RBM33: variants seen among roughly 807,000 people sequenced by gnomAD.
RBM33 encodes the protein RNA binding motif protein 33, also known as RNA-binding protein 33.
RBM33 carries 28 observed loss-of-function variants against 132.6 expected under a neutral mutation model. The ratio of observed to expected loss-of-function variants is 0.21; its 90% CI spans 0.16 to 0.29. RBM33 has a LOEUF of 0.29. RBM33 is among the 10% of genes least tolerant of loss of function. The pLI, the probability that RBM33 is intolerant of heterozygous loss-of-function variation, is 1.00. For synonymous variants in RBM33, 634 were observed against 593.0 expected (o/e 1.07, Z -1.01); for missense variants, 1,291 against 1,518.5 (o/e 0.85, Z 2.49).
chr7:155,688,159 T>G (rs1270115879), intron 5 of RBM33, among the ~76,000 whole-genome samples: 2 of 152,166 alleles, frequency 1.3e-5, no homozygotes, highest in African/African-American at 4.8e-5. Context: ...CATTGAGCAG[T>G]GGTTTGTAGT....
At chr7:155,710,232 G>A (rs921881230) in intron 7 of RBM33, among the ~76,000 whole-genome samples, 3 of 152,202 alleles carry the variant, frequency 2.0e-5, no homozygotes, top group Non-Finnish European at 4.4e-5. Context: ...TAGCTGTGTC[G>A]TCAGTTTGGT....
rs1802601576 is a variant in RBM33 at position 155,776,147 on chromosome 7, T to C, written c.*1106T>C. On this transcript the variant is annotated 3_prime_UTR_variant, in exon 18 of 18. Transcript: ENST00000401878. This position sits in a 1 kb window ranked among gnomAD's most constrained non-coding sequence, Gnocchi z 4.0. ...AGGTTCCTGTAGGTGAGACATATTC[T>C]CCATAAAGCTACTGTAGTAGAATTC... 1 of 152,616 alleles carries C rather than the reference T, an allele frequency of 6.6e-6. No individual in the cohort carries two copies. The highest frequency in any genetic ancestry group is 1.5e-5 in the Non-Finnish European group (1 of 68,042). 9.5% of individuals were successfully genotyped at this position (152,616 alleles called of 1,614,324 possible).
intron 1 of RBM33, among the ~76,000 whole-genome samples, chr7:155,662,543 A>C (rs1403580957): frequency 1.3e-5 from 2 of 151,000 alleles, no homozygotes; most frequent in African/African-American, 4.9e-5. Flanking sequence ...GAGCCACAGC[A>C]TTTGTGCTGT....
intron 14 of RBM33, among the ~76,000 whole-genome samples, chr7:155,758,534 G>T (rs1286297769): frequency 6.6e-6 from 1 of 152,236 alleles, no homozygotes; most frequent in Non-Finnish European, 1.5e-5. Context: ...AGCTTAGGCA[G>T]TAATGCTTGC....
rs1258658714 is a variant in RBM33, at chr7:155,673,953, T to TG, written c.171+1038_171+1039insG. Among the ~76,000 whole-genome samples the TG allele has an allele frequency of 6.9e-4, 76 of 110,156 alleles. 2 individuals are homozygous for TG. Among genetic ancestry groups the TG allele is most frequent in the South Asian group, 6.6e-4 (2 of 3,034 alleles). 72.3% of individuals were successfully genotyped at this position (110,156 alleles called of 152,430 possible). A position where few individuals can be genotyped will look rare whatever the true frequency, so the allele number is the denominator to read the frequency against. ...AGTTTAGGCTTAGTTTTTTTTTTTT[T>TG]TTTTTTTTTTTTTTTTTTTGAGACA... On this transcript the variant is annotated intron_variant, in intron 3 of 17. Coordinates refer to ENST00000401878, the MANE Select transcript of RBM33 (RefSeq NM_053043.3).
chr7:155,709,111 A>G (rs987247763), intron 7 of RBM33, among the ~76,000 whole-genome samples: 3 of 151,840 alleles, frequency 2.0e-5, no homozygotes, highest in African/African-American at 7.3e-5. Flanking sequence ...CTTATCTTCT[A>G]GAATGATTTC....
rs780813692 is a variant in RBM33, at chr7:155,665,214, G to A, written c.83G>A (p.Arg28Gln). ...CAGTTTGATAAGCCTGGCGCGGAAC[G>A]GTCGTGGAGAAGAAGAGCTGCTGAT... ...FDQFDKPGAE[R>Q]SWRRRAADED... The change falls in exon 2 of 18, where the codon CGG (arginine) becomes CAG (glutamine). Residue 28 changes from arginine to glutamine, a missense_variant. Arg to Gln is a conservative substitution (Grantham distance 43, BLOSUM62 1). Transcript: ENST00000401878. The A allele has an allele frequency of 1.2e-6, 2 of 1,613,816 alleles. No individual in the cohort carries two copies. The highest frequency in any genetic ancestry group is 1.3e-5 in the African/African-American group (1 of 74,920).
intron 5 of RBM33, chr7:155,684,863 C>T (rs1329987825): frequency 2.0e-5 from 30 of 1,477,904 alleles, no homozygotes; most frequent in South Asian, 6.6e-5. Context: ...ATCATAAAGA[C>T]GAAAAGTACG....
chr7:155,720,120 C>T (rs538556219), intron 9 of RBM33, among the ~76,000 whole-genome samples: 7 of 152,184 alleles, frequency 4.6e-5, no homozygotes, highest in African/African-American at 7.2e-5. Context: ...ACAGTTTCTG[C>T]GAGGTGTAAT....
intron 1 of RBM33, among the ~76,000 whole-genome samples, chr7:155,656,599 T>A (rs1217753018): frequency 1.3e-5 from 2 of 151,952 alleles, no homozygotes; most frequent in African/African-American, 4.8e-5. Flanking sequence ...AAAAAAAAAA[T>A]ATGTGTATGT....
intron 5 of RBM33, among the ~76,000 whole-genome samples, chr7:155,686,899 T>C (rs1799495384): frequency 6.6e-6 from 1 of 152,242 alleles, no homozygotes; most frequent in Non-Finnish European, 1.5e-5. Context: ...TTTGGGTTGG[T>C]ACCAAGTCTT....
intron 11 of RBM33, 103 bp from the exon 12 acceptor site, chr7:155,739,611 GA>G (rs1801247733): frequency 1.5e-6 from 2 of 1,311,006 alleles, no homozygotes; most frequent in Non-Finnish European, 2.0e-6. Context: ...TGGTATCGCT[GA>G]AAGTTCCTTT....
chr7:155,667,198 A>G (rs556298716), intron 2 of RBM33, among the ~76,000 whole-genome samples: 21 of 152,288 alleles, frequency 1.4e-4, no homozygotes, highest in Non-Finnish European at 2.5e-4. Flanking sequence ...TTATATAAAT[A>G]TTGTATAATT....
At position 155,711,591 on chromosome 7, in the gene RBM33, C is replaced by T. The variant is rs1800301079; in HGVS notation, c.1201+136C>T. On this transcript the variant is annotated intron_variant, in intron 8 of 17. Coordinates refer to ENST00000401878, the MANE Select transcript of RBM33 (RefSeq NM_053043.3). ...TATGCGTTCAGAAGAAATCATCGTT[C>T]GAATGTTGAGATTTGATCTCTCCTG... The T allele has an allele frequency of 5.6e-6, 3 of 536,796 alleles. No homozygotes were observed. The South Asian group carries it at 1.2e-4, about 22-fold the overall frequency. The allele number at this position is 536,796 out of a possible 1,614,324, so 33.3% of individuals were successfully genotyped here. A position where few individuals can be genotyped will look rare whatever the true frequency, so the allele number is the denominator to read the frequency against.
chr7:155,649,538 C>G (rs781052737), intron 1 of RBM33, among the ~76,000 whole-genome samples: 3 of 152,160 alleles, frequency 2.0e-5, no homozygotes, highest in Non-Finnish European at 2.9e-5. Flanking sequence ...TTTTTCGGTC[C>G]CTCAGTTTTG....
intron 6 of RBM33, among the ~76,000 whole-genome samples, chr7:155,705,908 TGTCA>T (rs934413609): frequency 6.6e-6 from 1 of 152,238 alleles, no homozygotes; most frequent in Non-Finnish European, 1.5e-5. Context: ...TTGGCTTCTC[TGTCA>T]GTCTGCATGC....
rs566782156 is a variant in RBM33 at position 155,707,252 on chromosome 7, C to G, written c.948+184C>G. 93 of 699,218 alleles carry G rather than the reference C, an allele frequency of 1.3e-4. No individual in the cohort carries two copies. The African/African-American group carries it at 1.6e-3, about 12-fold the overall frequency. The allele number at this position is 699,218 out of a possible 1,614,324, so 43.3% of individuals were successfully genotyped here. ...GTTGCATATAGTCTTAGAAATTCAG[C>G]ACTCCAGTCATCTGGTAGTAAGAAA... On this transcript the variant is annotated intron_variant, in intron 7 of 17. Coordinates refer to ENST00000401878, the MANE Select transcript of RBM33 (RefSeq NM_053043.3).
chr7:155,705,191 C>A (rs1380059543), intron 6 of RBM33, among the ~76,000 whole-genome samples: 2 of 152,186 alleles, frequency 1.3e-5, no homozygotes, highest in African/African-American at 4.8e-5. Flanking sequence ...GTTGAAGTTA[C>A]AAATGTAATT....
At chr7:155,682,211 G>T (rs958956525) in intron 5 of RBM33, among the ~76,000 whole-genome samples, 6 of 152,142 alleles carry the variant, frequency 3.9e-5, no homozygotes, top group African/African-American at 1.4e-4. Context: ...ATGAGCCTCG[G>T]TGCCTGGCCC....
Sources: allele counts gnomAD v4.1 joint callset (sites outside exome capture counted in the v4.1 genomes callset), GRCh38; gene constraint gnomAD v4.1.1; non-coding constraint Gnocchi (gnomAD v3.1); transcripts MANE v1.5; gene names NCBI Gene and HGNC (gene_info 2026-07-23, HGNC 2026-07-21).